Variants in ZBTB40 observed in about 807,000 individuals in gnomAD.
ZBTB40 encodes the protein zinc finger and BTB domain containing 40.
A neutral mutation model predicts 117.5 loss-of-function variants in ZBTB40; 60 were observed. The ratio of observed to expected loss-of-function variants is 0.51; its 90% CI spans 0.41 to 0.63. The LOEUF is 0.63. Ranked by LOEUF, ZBTB40 falls within the 30% of genes least tolerant of loss-of-function variation. The pLI is 0.00. For synonymous variants in ZBTB40, 525 were observed against 577.1 expected, an observed-to-expected ratio of 0.91 and a Z score of 1.29; for missense variants, 1,287 against 1,498.5, an observed-to-expected ratio of 0.86 and a Z score of 2.33.
chr1:22,511,375 G>GT, intron 10 of ZBTB40, 28 bp downstream of exon 10: 1 of 1,612,250 alleles, frequency 6.2e-7, no homozygotes, highest in Non-Finnish European at 8.5e-7. Flanking sequence ...TGGGAAGGGG[G>GT]TTCCTATCAG....
At chr1:22,524,532 A>AGTATCTCTGGG in intron 17 of ZBTB40, 88 bp downstream of exon 17, 2 of 1,396,118 alleles carry the variant, frequency 1.4e-6, no homozygotes, top group Non-Finnish European at 2.0e-6. Flanking sequence ...GTACCCAGAG[A>AGTATCTCTGGG]TACTCTTTGG....
At chr1:22,429,157 C>G (rs1381889843) in intron 1 of ZBTB40, among the ~76,000 whole-genome samples, 1 of 151,988 alleles carries the variant, frequency 6.6e-6, no homozygotes, top group Non-Finnish European at 1.5e-5. Flanking sequence ...CCGAGGCTGG[C>G]GGATCACAAG....
chr1:22,501,155 A>AG (rs1021300185), intron 3 of ZBTB40, among the ~76,000 whole-genome samples: 1 of 152,174 alleles, frequency 6.6e-6, no homozygotes, highest in African/African-American at 2.4e-5. Context: ...GTCTAGTAGG[A>AG]GAAAAAAAAA....
In ZBTB40 at chr1:22,433,320, C is replaced by T. The variant is rs868160383; in HGVS notation, c.-70+4306C>T. 6.7e-5 allele frequency among the ~76,000 whole-genome samples: 10 copies of T among 150,000 alleles called. No individual in the cohort carries two copies. In the Middle Eastern group the frequency reaches 0.021, roughly 310 times the overall value. ...TGGTGGCGGGCGCCTGTAGTCCCAGCTACTCGGGAGGCTGAGGCAGGAGAA... is the reference window on the plus strand; with the variant it reads ...TGGTGGCGGGCGCCTGTAGTCCCAGTTACTCGGGAGGCTGAGGCAGGAGAA... On this transcript the variant is annotated intron_variant, in intron 1 of 8. Transcript: ENST00000650433.
intron 1 of ZBTB40, among the ~76,000 whole-genome samples, chr1:22,486,379 G>T (rs956624805): frequency 2.6e-5 from 4 of 152,164 alleles, no homozygotes; most frequent in African/African-American, 9.7e-5. Context: ...GGTAGGTTAG[G>T]CTCTGAGAAA....
At chr1:22,457,622 A>G (rs866379182) in intron 1 of ZBTB40, among the ~76,000 whole-genome samples, 2 of 152,230 alleles carry the variant, frequency 1.3e-5, no homozygotes, top group South Asian at 4.1e-4. Flanking sequence ...AGGATGAGGA[A>G]ATTAGAAACA....
In ZBTB40 at chr1:22,521,498, A is replaced by G. The variant is rs1639523856; in HGVS notation, c.3051A>G (p.Gln1017=). The change falls in exon 15 of 18, where the codon CAA becomes CAG. Residue 1017 remains glutamine (Q), a splice_region_variant and synonymous_variant. Coordinates refer to ENST00000375647, the MANE Select transcript of ZBTB40 (RefSeq NM_014870.4). The part of the protein sequence containing the change: ...SCGICNKAYQ[Q]LSGLWYHNRT... ...AACACTTGCCAAATTCCTTGCAGCA[A>G]TTGTCTGGTTTGTGGTACCACAATC... is the stretch of plus-strand genomic sequence containing the variant. The G allele has an allele frequency of 5.0e-6, 8 of 1,614,178 alleles. No individual in the cohort carries two copies. The highest frequency in any genetic ancestry group is 6.8e-6 in the Non-Finnish European group (8 of 1,180,036).
At chr1:22,491,881 A>T (rs1638639977) in intron 3 of ZBTB40, among the ~76,000 whole-genome samples, 1 of 152,192 alleles carries the variant, frequency 6.6e-6, no homozygotes, top group South Asian at 2.1e-4. Context: ...TAAAATTAAA[A>T]CAAAACAACA....
Position 22,508,655 on chromosome 1 carries a change from G to A in ZBTB40, c.1623G>A (p.Glu541=). The A allele has an allele frequency of 6.2e-7, 1 of 1,614,216 alleles. No individual in the cohort carries two copies. Residue 541 remains glutamate (E), a synonymous_variant, in exon 8 of 18, where the codon GAG becomes GAA. Transcript: ENST00000375647. The stretch of plus-strand genomic sequence containing the variant: ...GGCAACTGCTGCTGGTGGTTCAGGA[G>A]ACAAAGACCTGTCCATTGGACCTGC... ...AIWQLLLVVQ[E]TKTCPLDLLM...
intron 1 of ZBTB40, among the ~76,000 whole-genome samples, chr1:22,466,648 G>C (rs1421840173): frequency 6.6e-6 from 1 of 151,964 alleles, no homozygotes; most frequent in Non-Finnish European, 1.5e-5. Flanking sequence ...GACTGATGAT[G>C]AACATCTGTT....
intron 12 of ZBTB40, 60 bp from the exon 13 acceptor site, chr1:22,517,240 G>T (rs746943527): frequency 3.1e-5 from 49 of 1,605,148 alleles, no homozygotes; most frequent in Non-Finnish European, 4.0e-5. Flanking sequence ...ATTAGATTTT[G>T]TTTGTAGCAA....
chr1:22,484,296 C>G (rs1467945331), intron 1 of ZBTB40, among the ~76,000 whole-genome samples: 4 of 152,162 alleles, frequency 2.6e-5, no homozygotes, highest in Non-Finnish European at 5.9e-5. Context: ...TGGGATATCT[C>G]TCCATTTTTA....
At chr1:22,463,622 G>A (rs550499263) in intron 1 of ZBTB40, among the ~76,000 whole-genome samples, 18 of 152,278 alleles carry the variant, frequency 1.2e-4, no homozygotes, top group African/African-American at 3.4e-4. Flanking sequence ...TACATGTGTC[G>A]CTCAGGAGAT....
chr1:22,477,400 T>A (rs985190639), intron 1 of ZBTB40, among the ~76,000 whole-genome samples: 3 of 151,872 alleles, frequency 2.0e-5, no homozygotes, highest in Non-Finnish European at 2.9e-5. Context: ...TTTTAAGAAA[T>A]ACAGTTTTGG....
chr1:22,513,721 ATAAAAT>A lies in ZBTB40; in HGVS notation c.2668+597_2668+602del, dbSNP rs1639303123. Among the ~76,000 whole-genome samples, 1 of 152,240 alleles carries A rather than the reference ATAAAAT, an allele frequency of 6.6e-6. No individual in the cohort carries two copies. On this transcript the variant is annotated intron_variant, in intron 12 of 17. Transcript: ENST00000375647. The surrounding 1 kb of genome is among the most constrained non-coding windows in gnomAD (Gnocchi z 4.9). ...GTCTCAAAAATAATAATAATAATAA[ATAAAAT>A]TAAAAAACAATGCACAACCTCTAGG... is the stretch of plus-strand genomic sequence containing the variant.
At chr1:22,439,031 C>T (rs1284982738) in intron 1 of ZBTB40, among the ~76,000 whole-genome samples, 1 of 152,064 alleles carries the variant, frequency 6.6e-6, no homozygotes, top group Non-Finnish European at 1.5e-5. Flanking sequence ...CCACGTCCAG[C>T]TAATTTTTGT....
At chr1:22,437,061 C>G (rs1640679093) in intron 1 of ZBTB40, among the ~76,000 whole-genome samples, 1 of 152,094 alleles carries the variant, frequency 6.6e-6, no homozygotes. Flanking sequence ...AGTTTCCAAG[C>G]TGGCATGTAA....
intron 1 of ZBTB40, among the ~76,000 whole-genome samples, chr1:22,435,256 C>T (rs901660231): frequency 6.6e-6 from 1 of 152,164 alleles, no homozygotes; most frequent in Admixed American, 6.5e-5. Context: ...CTGCCTTGGC[C>T]TCCCAAAGTG....
chr1:22,489,686 C>T (rs566499930), intron 1 of ZBTB40, among the ~76,000 whole-genome samples, 194 bp from the exon 2 acceptor site: 3 of 152,162 alleles, frequency 2.0e-5, no homozygotes, highest in Non-Finnish European at 2.9e-5. Context: ...TATGCACAGT[C>T]TCTTTCATAT....
Sources: gnomAD v4.1 joint callset for allele counts (sites outside exome capture counted in the v4.1 genomes callset) on GRCh38, gnomAD v4.1.1 for gene constraint, Gnocchi (gnomAD v3.1) non-coding constraint, MANE v1.5 for transcripts, NCBI Gene and HGNC (gene_info 2026-07-23, HGNC 2026-07-21) for gene names.